Variants in FNBP1 observed in about 807,000 individuals in gnomAD.
FNBP1 encodes formin-binding protein 1.
Under a neutral mutation model 90.6 loss-of-function variants are expected in FNBP1, and 26 were observed. That is an observed-to-expected ratio of 0.29 (90% CI 0.21 to 0.40). The LOEUF (loss-of-function observed/expected upper bound fraction) is 0.40. FNBP1 is among the 10% of genes least tolerant of loss of function. The pLI, the probability that FNBP1 is intolerant of heterozygous loss-of-function variation, is 1.00. For synonymous variants in FNBP1, 260 were observed against 265.2 expected (o/e 0.98, Z 0.19); for missense variants, 635 against 768.0 (o/e 0.83, Z 2.05).
intron 4 of FNBP1, among the ~76,000 whole-genome samples, chr9:129,965,174 C>T (rs1044613196): frequency 6.6e-6 from 1 of 152,306 alleles, no homozygotes; most frequent in East Asian, 1.9e-4. Context: ...TGGCAAAACG[C>T]CTTAGTCCTG....
In FNBP1 at chr9:129,966,493, T is replaced by C. The variant is rs569897013; in HGVS notation, c.346-7940A>G. ...CCTGTAATCCCAGCACTTTGGGAGGTCGAGATGGGCGGATCATTTGAGGTC... is the reference window on the plus strand; with the variant it reads ...CCTGTAATCCCAGCACTTTGGGAGGCCGAGATGGGCGGATCATTTGAGGTC... On this transcript the variant is annotated intron_variant, in intron 4 of 16. Transcript: ENST00000446176. The surrounding 1 kb of genome is among the most constrained non-coding windows in gnomAD (Gnocchi z 4.3). 1.3e-5 allele frequency among the ~76,000 whole-genome samples: 2 copies of C among 148,692 alleles called. No homozygotes were observed. Among genetic ancestry groups the C allele is most frequent in the East Asian group, 4.0e-4 (2 of 5,042 alleles).
intron 6 of FNBP1, among the ~76,000 whole-genome samples, chr9:129,932,678 G>C (rs79937485): frequency 1.3e-5 from 2 of 151,846 alleles, no homozygotes; most frequent in African/African-American, 4.8e-5. Context: ...TTCAGCTGCC[G>C]CATTCTTCCT....
intron 2 of FNBP1, among the ~76,000 whole-genome samples, chr9:129,985,248 A>G (rs1045804671): frequency 6.6e-6 from 1 of 152,092 alleles, no homozygotes; most frequent in African/African-American, 2.4e-5. Context: ...ATCAGAGCAG[A>G]CAGGGCACTG....
At position 130,042,986 on chromosome 9, in the gene FNBP1, A is replaced by C; in HGVS notation, c.-11T>G. Reference sequence around the variant, plus strand: ...GGTGCCCCAGCTCATGGTGCAGGGGACGCGAAGGGGCGCTCCGCGCGGCGG... The same window carrying C: ...GGTGCCCCAGCTCATGGTGCAGGGGCCGCGAAGGGGCGCTCCGCGCGGCGG... On this transcript the variant is annotated 5_prime_UTR_variant, in exon 1 of 17. Coordinates refer to ENST00000446176, the MANE Select transcript of FNBP1 (RefSeq NM_015033.3). The surrounding 1 kb of genome is among the most constrained non-coding windows in gnomAD (Gnocchi z 5.5). 1 of 1,224,886 alleles carries C rather than the reference A, an allele frequency of 8.2e-7. No individual in the cohort carries two copies. The highest frequency in any genetic ancestry group is 1.0e-6 in the Non-Finnish European group (1 of 983,530). The allele number at this position is 1,224,886 out of a possible 1,614,324, so 75.9% of individuals were successfully genotyped here. A position where few individuals can be genotyped will look rare whatever the true frequency, so the allele number is the denominator to read the frequency against.
chr9:129,944,578 G>A (rs2044921406), intron 6 of FNBP1, among the ~76,000 whole-genome samples: 1 of 149,140 alleles, frequency 6.7e-6, no homozygotes, highest in Non-Finnish European at 1.5e-5. Flanking sequence ...GGTAAGAGAT[G>A]AGGAGGAAGG....
At position 129,985,935 on chromosome 9, in the gene FNBP1, T is replaced by C. The variant is rs996003489; in HGVS notation, c.141-6561A>G. Among the ~76,000 whole-genome samples, 5 of 119,106 alleles carry C rather than the reference T, an allele frequency of 4.2e-5. No homozygotes were observed. In the Admixed American group the frequency reaches 4.7e-4, roughly 11 times the overall value. 78.1% of individuals were successfully genotyped at this position (119,106 alleles called of 152,430 possible). A position where few individuals can be genotyped will look rare whatever the true frequency, so the allele number is the denominator to read the frequency against. On this transcript the variant is annotated intron_variant, in intron 2 of 16. Transcript: ENST00000446176. ...AAGATCATGCCATTGCACTCCAGCCTGGGCAACAAGAACAAAGCTCCATCT... is the reference window on the plus strand; with the variant it reads ...AAGATCATGCCATTGCACTCCAGCCCGGGCAACAAGAACAAAGCTCCATCT...
chr9:129,964,261 C>T lies in FNBP1; in HGVS notation c.346-5708G>A, dbSNP rs542656319. On this transcript the variant is annotated intron_variant, in intron 4 of 16. Coordinates refer to ENST00000446176, the MANE Select transcript of FNBP1 (RefSeq NM_015033.3). The stretch of plus-strand genomic sequence containing the variant: ...CACTAAAGAAGGAGGAATTGTTCTC[C>T]GGACAAAGATAAAAAGTGCTTCTTT... Among the ~76,000 whole-genome samples, 12 of 152,152 alleles carry T rather than the reference C, an allele frequency of 7.9e-5. No individual in the cohort carries two copies. In the South Asian group the frequency reaches 1.4e-3, roughly 18 times the overall value.
Position 129,890,550 on chromosome 9 carries a change from C to T in FNBP1, c.1847-4G>A. On this transcript the variant is annotated splice_polypyrimidine_tract_variant and splice_region_variant and intron_variant, in intron 16 of 16. Coordinates refer to ENST00000446176, the MANE Select transcript of FNBP1 (RefSeq NM_015033.3). The surrounding 1 kb of genome is among the most constrained non-coding windows in gnomAD (Gnocchi z 5.8). ...GCAGGCACTCCCCTCTAGGAATCTA[C>T]AACACAAAGAGAAACAGAAAGAGAA... The T allele has an allele frequency of 6.3e-7, 1 of 1,583,950 alleles. No homozygotes were observed. Among genetic ancestry groups the T allele is most frequent in the Non-Finnish European group, 8.6e-7 (1 of 1,165,850 alleles).
intron 6 of FNBP1, among the ~76,000 whole-genome samples, chr9:129,941,350 T>A (rs11790812): frequency 1.3e-5 from 2 of 152,028 alleles, no homozygotes; most frequent in African/African-American, 4.8e-5. Context: ...GACTGCGTCA[T>A]TGCACTCCAG....
chr9:129,971,603 C>T (rs941531957), intron 4 of FNBP1, among the ~76,000 whole-genome samples: 1 of 152,090 alleles, frequency 6.6e-6, no homozygotes, highest in Non-Finnish European at 1.5e-5. Flanking sequence ...GTCGGCCAGG[C>T]TGGTCTCAAA....
intron 10 of FNBP1, among the ~76,000 whole-genome samples, chr9:129,919,701 C>T (rs76257884): frequency 2.6e-5 from 4 of 152,178 alleles, no homozygotes; most frequent in African/African-American, 7.2e-5. Context: ...ATACTCTGAT[C>T]ATAGAAACAA....
chr9:129,899,733 AAAGGAAGG>A (rs926658005), intron 15 of FNBP1, among the ~76,000 whole-genome samples: 4 of 147,654 alleles, frequency 2.7e-5, no homozygotes, highest in African/African-American at 5.0e-5. Flanking sequence ...TGTATGAAAA[AAAGGAAGG>A]AAGGAAGGAA....
intron 1 of FNBP1, among the ~76,000 whole-genome samples, chr9:130,030,319 C>A (rs1023091435): frequency 6.6e-5 from 10 of 151,808 alleles, no homozygotes. Flanking sequence ...CCTGTAATCC[C>A]AGCTACTCAG....
chr9:130,030,125 G>T (rs1034477011), intron 1 of FNBP1, among the ~76,000 whole-genome samples: 3 of 151,968 alleles, frequency 2.0e-5, no homozygotes, highest in Non-Finnish European at 4.4e-5. Context: ...AGATTGAATA[G>T]AGATTGGAAT....
In FNBP1 at chr9:129,957,177, A is replaced by G. The variant is rs1249267936; in HGVS notation, c.513+183T>C. On this transcript the variant is annotated intron_variant, in intron 6 of 16. Transcript: ENST00000446176. This position sits in a 1 kb window ranked among gnomAD's most constrained non-coding sequence, Gnocchi z 4.3. ...CTCAGCCTCCCTAGTAGTTGGGATTATAGGTGCCTGCCACTGCACTCAGCT... is the reference window on the plus strand; with the variant it reads ...CTCAGCCTCCCTAGTAGTTGGGATTGTAGGTGCCTGCCACTGCACTCAGCT... Among the ~76,000 whole-genome samples, 1 of 151,780 alleles carries G rather than the reference A, an allele frequency of 6.6e-6. No homozygotes were observed. The highest frequency in any genetic ancestry group is 1.5e-5 in the Non-Finnish European group (1 of 67,988).
At position 129,958,985 on chromosome 9, in the gene FNBP1, CAAAAAA is replaced by C. The variant is rs60640596; in HGVS notation, c.346-438_346-433del. Among the ~76,000 whole-genome samples, 44 of 9,158 alleles carry C rather than the reference CAAAAAA, an allele frequency of 4.8e-3. 3 individuals are homozygous for C. Among genetic ancestry groups the C allele is most frequent in the African/African-American group, 0.014 (36 of 2,484 alleles). 6.0% of individuals were successfully genotyped at this position (9,158 alleles called of 152,430 possible). On this transcript the variant is annotated intron_variant, in intron 4 of 16. Transcript: ENST00000446176. ...TGGATGACACAGTGAAACTCTGCCT[CAAAAAA>C]AAAAAAAAAAAAAAAAGGAAAAGGG... is the stretch of plus-strand genomic sequence containing the variant.
intron 1 of FNBP1, among the ~76,000 whole-genome samples, chr9:130,030,182 C>T (rs1215924831): frequency 6.6e-6 from 1 of 152,038 alleles, no homozygotes; most frequent in Non-Finnish European, 1.5e-5. Flanking sequence ...TGCCTGTAAT[C>T]CCAGCACTTT....
the FNBP1 span, among the ~76,000 whole-genome samples, chr9:130,050,904 ATTTTT>A: frequency 7.2e-6 from 1 of 139,096 alleles, no homozygotes; most frequent in Non-Finnish European, 1.6e-5. Context: ...ATGCTCGCTA[ATTTTT>A]TTTTTTTTTG....
chr9:129,995,061 C>T, intron 1 of FNBP1, 103 bp from the exon 2 acceptor site: 1 of 668,924 alleles, frequency 1.5e-6, no homozygotes, highest in Non-Finnish European at 2.6e-6. Flanking sequence ...CAAAGTAGTA[C>T]TAATATTTTC....
Sources: gnomAD v4.1 joint callset for allele counts (sites outside exome capture counted in the v4.1 genomes callset) on GRCh38, gnomAD v4.1.1 for gene constraint, Gnocchi (gnomAD v3.1) non-coding constraint, MANE v1.5 for transcripts, NCBI Gene and HGNC (gene_info 2026-07-23, HGNC 2026-07-21) for gene names.